The following MAP3K1 variants were observed in gnomAD, a reference collection of about 807,000 sequenced individuals.
MAP3K1 encodes the protein mitogen-activated protein kinase kinase kinase 1.
MAP3K1 carries 36 observed loss-of-function variants against 144.2 expected under a neutral mutation model. That is an observed-to-expected ratio of 0.25 (90% CI 0.19 to 0.33). MAP3K1 has a LOEUF of 0.33. Among genes scored for constraint, MAP3K1 ranks in the 10% least tolerant of loss-of-function variants. The probability of loss-of-function intolerance (pLI) is 1.00; values close to 1 mark genes in which losing one functional copy is unlikely to be tolerated. For missense variants in MAP3K1, 1,650 were observed against 1,881.9 expected, an observed-to-expected ratio of 0.88 and a Z score of 2.28; for synonymous variants, 718 against 688.7, an observed-to-expected ratio of 1.04 and a Z score of -0.67.
At chr5:56,884,241 G>A (rs1748310220) in intron 15 of MAP3K1, among the ~76,000 whole-genome samples, 1 of 152,170 alleles carries the variant, frequency 6.6e-6, no homozygotes, top group African/African-American at 2.4e-5. Context: ...CTTTTTGTAG[G>A]TAGTAGAGGT....
chr5:56,883,383 G>T (rs1436934527), intron 14 of MAP3K1, 144 bp from the exon 15 acceptor site: 1 of 744,520 alleles, frequency 1.3e-6, no homozygotes, highest in African/African-American at 1.8e-5. Flanking sequence ...TGCATTTGCT[G>T]TCGGTCACAA....
rs751612650 is a variant in MAP3K1 at position 56,881,692 on chromosome 5, C to T, written c.2492C>T (p.Pro831Leu). The T allele has an allele frequency of 6.2e-7, 1 of 1,613,964 alleles. No individual in the cohort carries two copies. Among genetic ancestry groups the T allele is most frequent in the Non-Finnish European group, 8.5e-7 (1 of 1,179,926 alleles). Residue 831 changes from proline (P) to leucine (L), a missense_variant, in exon 14 of 20, where the codon CCC becomes CTC. Pro to Leu is a moderately conservative substitution (Grantham distance 98). Coordinates refer to ENST00000399503, the MANE Select transcript of MAP3K1 (RefSeq NM_005921.2). ...LSSARMVTTV[P>L]HVFSKLLEML... ...TCTGCAAGAATGGTTACTACAGTACCCCATGTGTTTTCAAAACTGTTAGAA... is the reference window on the plus strand; with the variant it reads ...TCTGCAAGAATGGTTACTACAGTACTCCATGTGTTTTCAAAACTGTTAGAA...
At position 56,835,347 on chromosome 5, in the gene MAP3K1, A is replaced by G. The variant is rs377729165; in HGVS notation, c.482+19292A>G. Among the ~76,000 whole-genome samples the G allele has an allele frequency of 4.3e-5, 6 of 140,346 alleles. No individual in the cohort carries two copies. In the East Asian group the frequency reaches 1.1e-3, roughly 25 times the overall value. The allele number at this position is 140,346 out of a possible 152,430, so 92.1% of individuals were successfully genotyped here. A position where few individuals can be genotyped will look rare whatever the true frequency, so the allele number is the denominator to read the frequency against. On this transcript the variant is annotated intron_variant, in intron 1 of 19. Coordinates refer to ENST00000399503, the MANE Select transcript of MAP3K1 (RefSeq NM_005921.2). The stretch of plus-strand genomic sequence containing the variant: ...AAGAGGAGACAAGGAGGCAGGGAAG[A>G]GTTGACAGGAAGGCAGGGAAGAGGA...
At chr5:56,892,891 G>A (rs1748588139) in intron 19 of MAP3K1, among the ~76,000 whole-genome samples, 1 of 151,612 alleles carries the variant, frequency 6.6e-6, no homozygotes, top group African/African-American at 2.4e-5. Flanking sequence ...AATGTAAAGA[G>A]TGTATCACAA....
At chr5:56,822,286 A>G (rs762123149) in intron 1 of MAP3K1, among the ~76,000 whole-genome samples, 12 of 152,120 alleles carry the variant, frequency 7.9e-5, no homozygotes, top group Non-Finnish European at 1.5e-4. Context: ...TGGCCTCCCA[A>G]AGTGCTGGGA....
intron 3 of MAP3K1, among the ~76,000 whole-genome samples, chr5:56,862,695 A>G (rs1747551768): frequency 6.6e-6 from 1 of 152,250 alleles, no homozygotes. Context: ...ATCTGTGAGC[A>G]TGTATCTGTG....
chr5:56,879,618 G>T (rs544971653), intron 11 of MAP3K1, among the ~76,000 whole-genome samples: 36 of 152,198 alleles, frequency 2.4e-4, no homozygotes, highest in African/African-American at 8.4e-4. Flanking sequence ...AATTGACAGG[G>T]AACAAGAATA....
Position 56,815,646 on chromosome 5 carries a change from G to A in MAP3K1, c.73G>A (p.Gly25Ser). The A allele has an allele frequency of 7.5e-7, 1 of 1,334,168 alleles. No homozygotes were observed. The highest frequency in any genetic ancestry group is 9.6e-7 in the Non-Finnish European group (1 of 1,042,606). The allele number at this position is 1,334,168 out of a possible 1,614,324, so 82.6% of individuals were successfully genotyped here. The change falls in exon 1 of 20, where the codon GGC becomes AGC. Residue 25 changes from glycine (G) to serine (S), a missense_variant. By Grantham distance (56) the Gly-to-Ser change is moderately conservative (BLOSUM62 0). Coordinates refer to ENST00000399503, the MANE Select transcript of MAP3K1 (RefSeq NM_005921.2). ...CGCCAGGGCTACGAGCCCTGAGGCA[G>A]GCGGCGGCGGAGGAGCCCTCAAGGC... ...PGARATSPEA[G>S]GGGGALKASS...
intron 1 of MAP3K1, among the ~76,000 whole-genome samples, chr5:56,829,349 A>ATTTTTT (rs70999027): frequency 7.7e-6 from 1 of 130,340 alleles, no homozygotes; most frequent in African/African-American, 2.9e-5. Flanking sequence ...TGCCCGGCAA[A>ATTTTTT]TTTTTTTTTT....
At chr5:56,868,544 C>G (rs1202985345) in intron 6 of MAP3K1, among the ~76,000 whole-genome samples, 1 of 152,022 alleles carries the variant, frequency 6.6e-6, no homozygotes, top group Non-Finnish European at 1.5e-5. Flanking sequence ...GCCACCATGC[C>G]CAGCTAATTT....
At chr5:56,823,106 AG>A (rs148612539) in intron 1 of MAP3K1, among the ~76,000 whole-genome samples, 46 of 152,298 alleles carry the variant, frequency 3.0e-4, no homozygotes, top group African/African-American at 1.1e-3. Context: ...CCTCCAGAAA[AG>A]TAAATGTAAT....
At chr5:56,825,259 C>T (rs935968023) in intron 1 of MAP3K1, among the ~76,000 whole-genome samples, 20 of 152,148 alleles carry the variant, frequency 1.3e-4, no homozygotes, top group African/African-American at 3.9e-4. Context: ...GTAATCCACC[C>T]GCCTCAGCTT....
rs2111939431 is a variant in MAP3K1 at position 56,881,209 on chromosome 5, C to T, written c.2306C>T (p.Pro769Leu). ...CLIDRLLLEF[P>L]AEFYPHIVST... Reference sequence around the variant, plus strand: ...ATAGATAGACTGTTGTTGGAATTTCCTGCTGAATTTTATCCTCATATTGTC... The same window carrying T: ...ATAGATAGACTGTTGTTGGAATTTCTTGCTGAATTTTATCCTCATATTGTC... The change falls in exon 13 of 20, where the codon CCT becomes CTT. Residue 769 changes from proline (P) to leucine (L), a missense_variant. Transcript: ENST00000399503. The T allele has an allele frequency of 6.2e-7, 1 of 1,613,708 alleles. No individual in the cohort carries two copies. Among genetic ancestry groups the T allele is most frequent in the Non-Finnish European group, 8.5e-7 (1 of 1,179,890 alleles).
chr5:56,895,051 A>G lies in MAP3K1; in HGVS notation c.*1371A>G, dbSNP rs1748663920. The G allele has an allele frequency of 8.6e-6, 2 of 231,518 alleles. No homozygotes were observed. Among genetic ancestry groups the G allele is most frequent in the Non-Finnish European group, 1.7e-5 (2 of 117,068 alleles). The allele number at this position is 231,518 out of a possible 1,614,324, so 14.3% of individuals were successfully genotyped here. A position where few individuals can be genotyped will look rare whatever the true frequency, so the allele number is the denominator to read the frequency against. On this transcript the variant is annotated 3_prime_UTR_variant, in exon 20 of 20. Transcript: ENST00000399503. Reference sequence around the variant, plus strand: ...AGTACAACTTTGAGATTTTAGTTTTAACTCTTCAGAAGCCAGTGTGAAATA... The same window carrying G: ...AGTACAACTTTGAGATTTTAGTTTTGACTCTTCAGAAGCCAGTGTGAAATA...
At chr5:56,839,096 C>T (rs1222291612) in intron 1 of MAP3K1, among the ~76,000 whole-genome samples, 1 of 152,134 alleles carries the variant, frequency 6.6e-6, no homozygotes, top group African/African-American at 2.4e-5. Flanking sequence ...TTCCTGAGGT[C>T]AAGTTGCGAA....
chr5:56,845,927 A>T (rs915589167), intron 1 of MAP3K1, among the ~76,000 whole-genome samples: 1 of 152,204 alleles, frequency 6.6e-6, no homozygotes, highest in African/African-American at 2.4e-5. Context: ...CTTAAGCCTG[A>T]TGGATGTTCT....
At position 56,884,682 on chromosome 5, in the gene MAP3K1, A is replaced by T. The variant is rs1408651640; in HGVS notation, c.3838A>T (p.Thr1280Ser). ...GAAACAGGTGACTTATGTCAGAAAC[A>T]CATCTTCTGAGCAAGAAGAAGTAGT... is the stretch of plus-strand genomic sequence containing the variant. ...AVKQVTYVRN[T>S]SSEQEEVVEA... Residue 1280 changes from threonine to serine, a missense_variant, in exon 16 of 20, where the codon ACA becomes TCA. By Grantham distance (58) the Thr-to-Ser change is moderately conservative. Coordinates refer to ENST00000399503, the MANE Select transcript of MAP3K1 (RefSeq NM_005921.2). 1 of 1,613,866 alleles carries T rather than the reference A, an allele frequency of 6.2e-7. No homozygotes were observed. The highest frequency in any genetic ancestry group is 8.5e-7 in the Non-Finnish European group (1 of 1,179,874).
At chr5:56,832,200 C>T (rs951047185) in intron 1 of MAP3K1, among the ~76,000 whole-genome samples, 2 of 152,136 alleles carry the variant, frequency 1.3e-5, no homozygotes, top group African/African-American at 4.8e-5. Flanking sequence ...AAAACCTACC[C>T]TTTCAGAAGG....
intron 1 of MAP3K1, chr5:56,817,121 T>C (rs1192553642): frequency 2.0e-6 from 2 of 985,210 alleles, no homozygotes; most frequent in Non-Finnish European, 2.4e-6. Flanking sequence ...TGTAAGGTAA[T>C]TTAGACCAGC....
Sources: gnomAD v4.1 joint callset for allele counts (sites outside exome capture counted in the v4.1 genomes callset) on GRCh38, gnomAD v4.1.1 for gene constraint, MANE v1.5 for transcripts, NCBI Gene and HGNC (gene_info 2026-07-23, HGNC 2026-07-21) for gene names.